Variants in CDH13 observed in about 807,000 individuals in gnomAD.
CDH13 encodes the protein cadherin 13.
CDH13 carries 24 observed loss-of-function variants against 63.8 expected under a neutral mutation model. The observed-to-expected ratio is 0.38, with a 90% CI of 0.27 to 0.53. CDH13 has a LOEUF of 0.53. CDH13 is among the 20% of genes least tolerant of loss of function. The probability of loss-of-function intolerance (pLI) is 0.85; values close to 1 mark genes in which losing one functional copy is unlikely to be tolerated. For synonymous variants in CDH13, 503 were observed against 355.3 expected, an observed-to-expected ratio of 1.42 and a Z score of -4.67; for missense variants, 1,049 against 903.1, an observed-to-expected ratio of 1.16 and a Z score of -2.07.
intron 5 of CDH13, among the ~76,000 whole-genome samples, chr16:83,221,505 G>C (rs936812034): frequency 6.6e-6 from 1 of 152,170 alleles, no homozygotes; most frequent in East Asian, 1.9e-4. Flanking sequence ...AATGATTCAT[G>C]AATGACCAAG....
intron 3 of CDH13, among the ~76,000 whole-genome samples, chr16:83,096,593 G>C (rs8058790): frequency 0.4 from 60,594 of 152,084 alleles, 12,839 homozygotes; most frequent in Middle Eastern, 0.58. Context: ...TCTGCTGAAC[G>C]CAAATTTAAA....
intron 3 of CDH13, among the ~76,000 whole-genome samples, chr16:83,043,485 ATATGAGTGTGTGTG>A (rs1218986395): frequency 2.3e-5 from 3 of 130,670 alleles, no homozygotes; most frequent in Non-Finnish European, 4.8e-5. Flanking sequence ...ATAACTGTAT[ATATGAGTGTGTGTG>A]TGTGTGTGTG....
chr16:83,370,060 T>C (rs2091335849), intron 6 of CDH13, among the ~76,000 whole-genome samples: 1 of 152,166 alleles, frequency 6.6e-6, no homozygotes, highest in African/African-American at 2.4e-5. Flanking sequence ...CTCCAATATC[T>C]CCTGCTACTC....
At chr16:83,398,025 A>C (rs1305422814) in intron 6 of CDH13, 3 of 129,600 alleles carry the variant, frequency 2.3e-5, no homozygotes, top group African/African-American at 5.9e-5. Context: ...AAAAATACCC[A>C]TGTCTTCAGC....
At chr16:83,741,049 G>A (rs1597156680) in intron 10 of CDH13, among the ~76,000 whole-genome samples, 1 of 152,318 alleles carries the variant, frequency 6.6e-6, no homozygotes, top group South Asian at 2.1e-4. Context: ...TGCTTTCTTT[G>A]GCTCTGGTTT....
intron 4 of CDH13, among the ~76,000 whole-genome samples, chr16:83,175,504 T>C (rs571140041): frequency 6.6e-6 from 1 of 152,074 alleles, no homozygotes; most frequent in South Asian, 2.1e-4. Context: ...AGAAACTGTA[T>C]GGGGATGGGG....
At chr16:83,611,080 G>A (rs559612396) in intron 8 of CDH13, among the ~76,000 whole-genome samples, 1 of 152,146 alleles carries the variant, frequency 6.6e-6, no homozygotes, top group African/African-American at 2.4e-5. Flanking sequence ...TCCACTGGCT[G>A]TTGGGATTCT....
chr16:83,520,843 C>T (rs544962068), intron 7 of CDH13, among the ~76,000 whole-genome samples: 131 of 152,306 alleles, frequency 8.6e-4, no homozygotes, highest in Non-Finnish European at 1.5e-3. Context: ...CCACATGGCT[C>T]TGGCCTCAGT....
chr16:82,832,243 G>T (rs369773661), intron 1 of CDH13, among the ~76,000 whole-genome samples: 1 of 151,416 alleles, frequency 6.6e-6, no homozygotes, highest in African/African-American at 2.4e-5. Context: ...TTAAACCACT[G>T]TTTAATACTT....
At chr16:83,071,324 TC>T in intron 3 of CDH13, among the ~76,000 whole-genome samples, 1 of 152,120 alleles carries the variant, frequency 6.6e-6, no homozygotes, top group South Asian at 2.1e-4. Context: ...GCTTTCATGA[TC>T]CCCCTTTCTC....
intron 1 of CDH13, among the ~76,000 whole-genome samples, chr16:82,794,082 A>G (rs1271545107): frequency 6.6e-6 from 1 of 152,100 alleles, no homozygotes. Context: ...CGTGGGTCAC[A>G]TGCTGCTGAG....
At chr16:83,686,515 T>C (rs1331284080) in intron 10 of CDH13, among the ~76,000 whole-genome samples, 1 of 152,244 alleles carries the variant, frequency 6.6e-6, no homozygotes, top group African/African-American at 2.4e-5. Flanking sequence ...CACGGCATCA[T>C]GACAACTTTA....
chr16:82,747,193 A>G (rs2034213716), intron 1 of CDH13, among the ~76,000 whole-genome samples: 1 of 152,186 alleles, frequency 6.6e-6, no homozygotes, highest in African/African-American at 2.4e-5. Context: ...TTTATGATGG[A>G]GAAAAAACTG....
intron 3 of CDH13, among the ~76,000 whole-genome samples, chr16:83,052,801 A>T (rs9788906): frequency 1.6e-5 from 2 of 122,674 alleles, no homozygotes; most frequent in South Asian, 2.6e-4. Flanking sequence ...AAAAAAAAAA[A>T]AAAGAAAGAA....
chr16:83,795,230 T>G lies in CDH13; in HGVS notation c.*200T>G. On this transcript the variant is annotated 3_prime_UTR_variant, in exon 14 of 14. Coordinates refer to ENST00000567109, the MANE Select transcript of CDH13 (RefSeq NM_001257.5). ...ACAGCATCTTCCTCCCTCCTTTAAT[T>G]AATGGAATCTTCTGAATTTTCCCTG... is the stretch of plus-strand genomic sequence containing the variant. 1.9e-6 allele frequency: 1 copy of G among 532,138 alleles called. No homozygotes were observed. The highest frequency in any genetic ancestry group is 3.3e-6 in the Non-Finnish European group (1 of 299,070). 33.0% of individuals were successfully genotyped at this position (532,138 alleles called of 1,614,324 possible). A position where few individuals can be genotyped will look rare whatever the true frequency, so the allele number is the denominator to read the frequency against.
At chr16:83,572,143 A>G (rs908161474) in intron 7 of CDH13, among the ~76,000 whole-genome samples, 5 of 150,358 alleles carry the variant, frequency 3.3e-5, no homozygotes, top group African/African-American at 1.2e-4. Context: ...ACCCTAATTG[A>G]TAACTAGGTA....
At chr16:83,566,116 G>T (rs1904278194) in intron 7 of CDH13, among the ~76,000 whole-genome samples, 1 of 152,124 alleles carries the variant, frequency 6.6e-6, no homozygotes, top group African/African-American at 2.4e-5. Context: ...TGCCCTGAAT[G>T]GTATGTTGGG....
intron 11 of CDH13, among the ~76,000 whole-genome samples, chr16:83,759,217 T>C (rs970508137): frequency 2.0e-5 from 3 of 152,164 alleles, no homozygotes; most frequent in African/African-American, 4.8e-5. Flanking sequence ...TGCAATAGAA[T>C]AGAGAATTCA....
At chr16:82,730,781 G>C (rs928521113) in intron 1 of CDH13, among the ~76,000 whole-genome samples, 1 of 152,126 alleles carries the variant, frequency 6.6e-6, no homozygotes, top group African/African-American at 2.4e-5. Context: ...ATGTCTTTCA[G>C]TTGGCTTAAG....
Sources: allele counts gnomAD v4.1 joint callset (sites outside exome capture counted in the v4.1 genomes callset), GRCh38; gene constraint gnomAD v4.1.1; transcripts MANE v1.5; gene names NCBI Gene and HGNC (gene_info 2026-07-23, HGNC 2026-07-21).